MICAL3: variants seen among roughly 807,000 people sequenced by gnomAD.
MICAL3 encodes the protein microtubule associated monooxygenase, calponin and LIM domain containing 3, also known as [F-actin]-monooxygenase MICAL3.
Under a neutral mutation model 207.4 loss-of-function variants are expected in MICAL3, and 62 were observed. That is an observed-to-expected ratio of 0.30 (90% confidence interval 0.24 to 0.37). MICAL3 has a LOEUF of 0.37. Ranked by LOEUF, MICAL3 falls within the 10% of genes least tolerant of loss-of-function variation. The pLI, the probability that MICAL3 is intolerant of heterozygous loss-of-function variation, is 1.00. For missense variants in MICAL3, 2,368 were observed against 2,635.6 expected, an observed-to-expected ratio of 0.90 and a Z score of 2.22; for synonymous variants, 1,077 against 1,069.3, an observed-to-expected ratio of 1.01 and a Z score of -0.14.
chr22:18,010,711 A>G (rs112037284), intron 1 of MICAL3, among the ~76,000 whole-genome samples: 54 of 152,314 alleles, frequency 3.5e-4, no homozygotes, highest in Middle Eastern at 3.4e-3. Flanking sequence ...AAAGCACCTC[A>G]CTGCCGGGAG....
intron 27 of MICAL3, chr22:17,813,923 T>A (rs768134357): frequency 5.3e-5 from 8 of 152,180 alleles, no homozygotes; most frequent in Non-Finnish European, 1.0e-4. Context: ...AAACGCAAGT[T>A]CTCTCTTGTA....
intron 1 of MICAL3, among the ~76,000 whole-genome samples, chr22:17,927,339 C>T (rs182056138): frequency 1.4e-4 from 22 of 152,314 alleles, no homozygotes; most frequent in African/African-American, 5.3e-4. Flanking sequence ...CATCAATGGA[C>T]AACTGGGCTG....
intron 20 of MICAL3, among the ~76,000 whole-genome samples, chr22:17,837,507 G>A (rs1416190468): frequency 6.6e-6 from 1 of 152,226 alleles, no homozygotes; most frequent in South Asian, 2.1e-4. Flanking sequence ...GCTGCCCGGG[G>A]CACATTCTTC....
intron 1 of MICAL3, among the ~76,000 whole-genome samples, chr22:17,958,020 A>G (rs560872604): frequency 5.3e-5 from 8 of 152,320 alleles, no homozygotes; most frequent in African/African-American, 1.9e-4. Context: ...CACATTACCC[A>G]TAACTGAAAT....
intron 1 of MICAL3, among the ~76,000 whole-genome samples, chr22:17,961,612 C>T (rs1323984846): frequency 6.6e-6 from 1 of 152,180 alleles, no homozygotes; most frequent in Non-Finnish European, 1.5e-5. Context: ...TTGCAGAGCT[C>T]CTGGAGTCCC....
intron 26 of MICAL3, among the ~76,000 whole-genome samples, 181 bp from the exon 27 acceptor site, chr22:17,816,965 G>A (rs1921060034): frequency 6.6e-6 from 1 of 152,358 alleles, no homozygotes; most frequent in Non-Finnish European, 1.5e-5. Context: ...TGCCTGGGCA[G>A]GGCAGAGCTG....
At chr22:17,968,417 A>G (rs1210095011) in intron 1 of MICAL3, among the ~76,000 whole-genome samples, 2 of 152,134 alleles carry the variant, frequency 1.3e-5, no homozygotes, top group Non-Finnish European at 2.9e-5. Context: ...CTGCTCTGGG[A>G]AGAGCTGAGG....
intron 19 of MICAL3, among the ~76,000 whole-genome samples, chr22:17,857,283 C>T (rs867581563): frequency 6.6e-5 from 10 of 152,132 alleles, no homozygotes; most frequent in African/African-American, 1.2e-4. Context: ...TCAGCGGTGG[C>T]GGCACGAGAT....
At chr22:17,817,254 C>A in intron 26 of MICAL3, 57 bp downstream of exon 26, 1 of 1,486,314 alleles carries the variant, frequency 6.7e-7, no homozygotes, top group South Asian at 1.3e-5. Context: ...CCAGTGACCC[C>A]AGCCCCTCCC....
chr22:17,788,934 G>C lies in MICAL3; in HGVS notation c.*1798C>G, dbSNP rs540683192. 188 of 152,634 alleles carry C rather than the reference G, an allele frequency of 1.2e-3. No individual in the cohort carries two copies. The highest frequency in any genetic ancestry group is 2.2e-3 in the Non-Finnish European group (153 of 68,242). 9.5% of individuals were successfully genotyped at this position (152,634 alleles called of 1,614,324 possible). The stretch of plus-strand genomic sequence containing the variant: ...CTCCCAGCTGGCCCCAGCCCACGGA[G>C]GCGGCAGGCGGCTGGAGCGCCCCTG... On this transcript the variant is annotated 3_prime_UTR_variant, in exon 32 of 32. Transcript: ENST00000441493.
chr22:17,898,977 T>C (rs912278897), intron 7 of MICAL3, among the ~76,000 whole-genome samples: 8 of 152,210 alleles, frequency 5.3e-5, no homozygotes, highest in Admixed American at 1.3e-4. Flanking sequence ...TGCTTCTTGG[T>C]CAAACTCCTT....
intron 25 of MICAL3, 52 bp downstream of exon 25, chr22:17,821,375 C>G (rs1921625499): frequency 6.8e-7 from 1 of 1,471,458 alleles, no homozygotes; most frequent in Non-Finnish European, 9.2e-7. Context: ...TAATATGTGT[C>G]CTTGGGGTCC....
chr22:17,854,930 C>T (rs983525019), intron 19 of MICAL3, among the ~76,000 whole-genome samples: 4 of 152,194 alleles, frequency 2.6e-5, no homozygotes, highest in Admixed American at 1.3e-4. Context: ...AGAAAACTGA[C>T]GGGAGAACAT....
intron 16 of MICAL3, among the ~76,000 whole-genome samples, chr22:17,885,597 G>GTA (rs1012557998): frequency 6.6e-6 from 1 of 151,482 alleles, no homozygotes; most frequent in African/African-American, 2.4e-5. Context: ...CTGCAAACAT[G>GTA]TACAGATGTA....
At chr22:17,875,795 C>G (rs372771903) in intron 16 of MICAL3, among the ~76,000 whole-genome samples, 2 of 152,114 alleles carry the variant, frequency 1.3e-5, no homozygotes, top group South Asian at 4.1e-4. Context: ...CACCCTGGAA[C>G]GCGGTCCCGC....
chr22:17,899,851 G>C (rs1266545416), intron 6 of MICAL3, among the ~76,000 whole-genome samples: 2 of 152,108 alleles, frequency 1.3e-5, no homozygotes, highest in Non-Finnish European at 2.9e-5. Flanking sequence ...CCTCTAAAGA[G>C]GGCTTGGATT....
intron 1 of MICAL3, among the ~76,000 whole-genome samples, chr22:17,999,564 A>G (rs1922693725): frequency 6.6e-6 from 1 of 152,176 alleles, no homozygotes; most frequent in Admixed American, 6.5e-5. Flanking sequence ...GACTGTGCTA[A>G]GTTCTTCACG....
Position 17,872,815 on chromosome 22 carries a change from C to T in MICAL3, c.2242-792G>A, listed in dbSNP as rs758705974. 3 of 1,613,244 alleles carry T rather than the reference C, an allele frequency of 1.9e-6. No homozygotes were observed. The African/African-American group carries it at 4.0e-5, about 22-fold the overall frequency. Reference sequence around the variant, plus strand: ...TGAAGCTGATTGGCTATCTGCTCAGCCAATGAGCTCACTCCGCCCGTGTAC... The same window carrying T: ...TGAAGCTGATTGGCTATCTGCTCAGTCAATGAGCTCACTCCGCCCGTGTAC... On this transcript the variant is annotated intron_variant, in intron 16 of 31. Transcript: ENST00000441493.
Position 17,790,665 on chromosome 22 carries a change from C to T in MICAL3, c.*67G>A, listed in dbSNP as rs894816137. The stretch of plus-strand genomic sequence containing the variant: ...GCCAGGCCTCCTCAGATCGCGGCTC[C>T]GGGTGGTTTGGATGCCACTGCCTGG... On this transcript the variant is annotated 3_prime_UTR_variant, in exon 32 of 32. Coordinates refer to ENST00000441493, the MANE Select transcript of MICAL3 (RefSeq NM_015241.3). The T allele has an allele frequency of 9.8e-5, 142 of 1,446,776 alleles. No homozygotes were observed. The highest frequency in any genetic ancestry group is 5.3e-4 in the South Asian group (41 of 76,976). The allele number at this position is 1,446,776 out of a possible 1,614,324, so 89.6% of individuals were successfully genotyped here. A position where few individuals can be genotyped will look rare whatever the true frequency, so the allele number is the denominator to read the frequency against.
Sources: gnomAD v4.1 joint callset for allele counts (sites outside exome capture counted in the v4.1 genomes callset) on GRCh38, gnomAD v4.1.1 for gene constraint, MANE v1.5 for transcripts, NCBI Gene and HGNC (gene_info 2026-07-23, HGNC 2026-07-21) for gene names.